The following PPP4R3B variants were observed in gnomAD, a reference collection of about 807,000 sequenced individuals.
PPP4R3B encodes the protein protein phosphatase 4 regulatory subunit 3B.
Under a neutral mutation model 95.4 loss-of-function variants are expected in PPP4R3B, and 52 were observed. The observed-to-expected ratio is 0.54, with a 90% confidence interval of 0.44 to 0.69. PPP4R3B has a LOEUF of 0.69. Ranked by LOEUF, PPP4R3B falls within the 30% of genes least tolerant of loss-of-function variation. The pLI is 0.00. For missense variants in PPP4R3B, 1,003 were observed against 1,005.9 expected (o/e 1.00, Z 0.04); for synonymous variants, 407 against 343.9 (o/e 1.18, Z -2.03).
At chr2:55,570,884 G>A (rs947141010) in intron 12 of PPP4R3B, among the ~76,000 whole-genome samples, 1 of 152,178 alleles carries the variant, frequency 6.6e-6, no homozygotes. Flanking sequence ...AAAGACTGAA[G>A]CACTGGCAAG....
At chr2:55,593,626 C>A (rs1040947780) in intron 4 of PPP4R3B, among the ~76,000 whole-genome samples, 3 of 152,088 alleles carry the variant, frequency 2.0e-5, no homozygotes, top group African/African-American at 4.8e-5. Context: ...CACTGTAGGG[C>A]CAGGTGTGGT....
At chr2:55,580,777 A>T (rs541509079) in intron 8 of PPP4R3B, among the ~76,000 whole-genome samples, 1 of 152,224 alleles carries the variant, frequency 6.6e-6, no homozygotes, top group Non-Finnish European at 1.5e-5. Flanking sequence ...GAAATTTTAT[A>T]AAGAAAAATA....
chr2:55,558,322 T>C (rs1444095439), intron 16 of PPP4R3B, among the ~76,000 whole-genome samples: 2 of 152,150 alleles, frequency 1.3e-5, no homozygotes, highest in Non-Finnish European at 2.9e-5. Context: ...GGAGGAAGGA[T>C]GCTTACATTT....
At chr2:55,562,379 G>A (rs1040824297) in intron 15 of PPP4R3B, among the ~76,000 whole-genome samples, 2 of 152,088 alleles carry the variant, frequency 1.3e-5, no homozygotes, top group Non-Finnish European at 1.5e-5. Flanking sequence ...CCGAGATCAC[G>A]CCACTGCACT....
At chr2:55,579,368 T>C (rs1689129669) in intron 9 of PPP4R3B, among the ~76,000 whole-genome samples, 1 of 150,718 alleles carries the variant, frequency 6.6e-6, no homozygotes, top group South Asian at 2.1e-4. Context: ...AGTGTCTACA[T>C]ATCAATTCCT....
chr2:55,608,416 G>A (rs1157538758), intron 2 of PPP4R3B, among the ~76,000 whole-genome samples: 2 of 152,212 alleles, frequency 1.3e-5, no homozygotes, highest in African/African-American at 2.4e-5. Flanking sequence ...CTGGGAAACA[G>A]TCAACGGTTA....
chr2:55,556,316 C>A (rs570501722), intron 16 of PPP4R3B, among the ~76,000 whole-genome samples: 2 of 152,188 alleles, frequency 1.3e-5, no homozygotes, highest in Non-Finnish European at 2.9e-5. Flanking sequence ...TCTGCTGTTA[C>A]TGTCAAGAAG....
At position 55,548,281 on chromosome 2, in the gene PPP4R3B, GATA is replaced by G. The variant is rs1343004895; in HGVS notation, c.*1627_*1629del. 4 of 152,482 alleles carry G rather than the reference GATA, an allele frequency of 2.6e-5. No individual in the cohort carries two copies. Among genetic ancestry groups the G allele is most frequent in the Non-Finnish European group, 5.9e-5 (4 of 68,014 alleles). The allele number at this position is 152,482 out of a possible 1,614,324, so 9.4% of individuals were successfully genotyped here. ...TAGCAGTTTATAATAAATATTTATG[GATA>G]ATTTTATTGGCTTTTAAAAGATACT... is the stretch of plus-strand genomic sequence containing the variant. On this transcript the variant is annotated 3_prime_UTR_variant, in exon 17 of 17. Transcript: ENST00000616407.
intron 2 of PPP4R3B, among the ~76,000 whole-genome samples, chr2:55,604,721 G>C (rs1315361464): frequency 1.3e-5 from 2 of 151,956 alleles, no homozygotes; most frequent in African/African-American, 2.4e-5. Flanking sequence ...CTACCAAAGG[G>C]TTAGTTACAT....
chr2:55,586,099 A>T (rs930613205), intron 6 of PPP4R3B, among the ~76,000 whole-genome samples: 4 of 152,226 alleles, frequency 2.6e-5, no homozygotes, highest in African/African-American at 9.6e-5. Context: ...ATTTTTCATA[A>T]AAGTTATATT....
chr2:55,562,917 T>C (rs1320721220), intron 15 of PPP4R3B, among the ~76,000 whole-genome samples: 1 of 152,230 alleles, frequency 6.6e-6, no homozygotes, highest in Admixed American at 6.5e-5. Flanking sequence ...TCCAAATGCC[T>C]AAAGACAATG....
At chr2:55,567,984 C>G in intron 13 of PPP4R3B, 1 of 283,454 alleles carries the variant, frequency 3.5e-6, no homozygotes, top group Non-Finnish European at 6.4e-6. Context: ...AAAGTAAAAA[C>G]CACTAAACTA....
At chr2:55,608,634 TTAAG>T (rs1195089715) in intron 2 of PPP4R3B, among the ~76,000 whole-genome samples, 1 of 152,152 alleles carries the variant, frequency 6.6e-6, no homozygotes, top group Non-Finnish European at 1.5e-5. Context: ...ATTGATACTA[TTAAG>T]TATTTTGGAT....
rs144178628 is a variant in PPP4R3B at position 55,610,369 on chromosome 2, T to C, written c.198+5082A>G. ...CACTTTAGGCCCCTACTCAAGAACC[T>C]GTAATGTCCCCTTCTGAACCTGTGT... On this transcript the variant is annotated intron_variant, in intron 2 of 16. Transcript: ENST00000616407. Among the ~76,000 whole-genome samples the C allele has an allele frequency of 1.2e-3, 180 of 152,308 alleles. 1 individual carries two copies. Among genetic ancestry groups the C allele is most frequent in the Middle Eastern group, 3.4e-3 (1 of 294 alleles).
At position 55,556,783 on chromosome 2, in the gene PPP4R3B, C is replaced by T. The variant is rs559450124; in HGVS notation, c.2454+1992G>A. On this transcript the variant is annotated intron_variant, in intron 16 of 16. Coordinates refer to ENST00000616407, the MANE Select transcript of PPP4R3B (RefSeq NM_001122964.3). Reference sequence around the variant, plus strand: ...TTACCCCTTTTTAAAACAAGAAAGTCGGCCGGGCATGGTGGCTAACACCTG... The same window carrying T: ...TTACCCCTTTTTAAAACAAGAAAGTTGGCCGGGCATGGTGGCTAACACCTG... 3.9e-5 allele frequency among the ~76,000 whole-genome samples: 6 copies of T among 152,214 alleles called. No homozygotes were observed. The South Asian group carries it at 6.2e-4, about 16-fold the overall frequency.
At chr2:55,614,961 C>T (rs1386303718) in intron 2 of PPP4R3B, 1 of 152,292 alleles carries the variant, frequency 6.6e-6, no homozygotes, top group Admixed American at 6.5e-5. Flanking sequence ...TGGTAATGTA[C>T]ATTTTTATAA....
intron 2 of PPP4R3B, chr2:55,614,515 G>A (rs1411346533): frequency 2.6e-5 from 4 of 152,144 alleles, no homozygotes; most frequent in Admixed American, 6.5e-5. Flanking sequence ...GACATCCACT[G>A]TGTAAAGTTT....
At chr2:55,554,345 C>T (rs916655467) in intron 16 of PPP4R3B, among the ~76,000 whole-genome samples, 2 of 152,226 alleles carry the variant, frequency 1.3e-5, no homozygotes, top group African/African-American at 4.8e-5. Context: ...TAAGCCTATG[C>T]ACCAGGCCTG....
chr2:55,605,624 C>T (rs7563239), intron 2 of PPP4R3B, among the ~76,000 whole-genome samples: 37 of 152,126 alleles, frequency 2.4e-4, no homozygotes, highest in African/African-American at 8.4e-4. Flanking sequence ...TCCTTCAGTT[C>T]TGGCCAGGTG....
Sources: allele counts gnomAD v4.1 joint callset (sites outside exome capture counted in the v4.1 genomes callset), GRCh38; gene constraint gnomAD v4.1.1; transcripts MANE v1.5; gene names NCBI Gene and HGNC (gene_info 2026-07-23, HGNC 2026-07-21).